Variants in LHX5 observed in about 807,000 individuals in gnomAD.
The protein encoded by LHX5 is LIM homeobox 5.
In LHX5, 5 loss-of-function variants were observed where a neutral mutation model predicts 30.6. The observed-to-expected ratio is 0.16, with a 90% CI of 0.09 to 0.34. The LOEUF is 0.34. Ranked by LOEUF, LHX5 falls within the 10% of genes least tolerant of loss-of-function variation. The pLI is 1.00. For missense variants in LHX5, 458 were observed against 570.6 expected, an observed-to-expected ratio of 0.80 and a Z score of 2.01; for synonymous variants, 266 against 252.6, an observed-to-expected ratio of 1.05 and a Z score of -0.50.
intron 1 of LHX5, among the ~76,000 whole-genome samples, chr12:113,469,733 G>T (rs1028075807): frequency 6.6e-6 from 1 of 152,238 alleles, no homozygotes; most frequent in African/African-American, 2.4e-5. Context: ...AGGCGGGGAG[G>T]GTTTGGGCCA....
At position 113,462,855 on chromosome 12, in the gene LHX5, G is replaced by C. The variant is rs1958182978; in HGVS notation, c.*335C>G. ...TCAGTCCAAAGAGGTGGCGGTGGCT[G>C]GGTGGGTGGGTGGGGGCCCGGGGAA... On this transcript the variant is annotated 3_prime_UTR_variant, in exon 5 of 5. Transcript: ENST00000261731. The C allele has an allele frequency of 4.8e-6, 1 of 207,492 alleles. No homozygotes were observed. The highest frequency in any genetic ancestry group is 1.3e-4 in the East Asian group (1 of 7,812). 12.9% of individuals were successfully genotyped at this position (207,492 alleles called of 1,614,324 possible).
Position 113,464,823 on chromosome 12 carries a change from T to C in LHX5, c.842-1266A>G, listed in dbSNP as rs1014609007. 3.9e-5 allele frequency among the ~76,000 whole-genome samples: 6 copies of C among 152,262 alleles called. No homozygotes were observed. The highest frequency in any genetic ancestry group is 2.0e-4 in the Admixed American group (3 of 15,300). ...ATTCAGGAGGTGTAGGGACTCCGGA[T>C]TGCAAACCCATTCTGCCTCAACAAA... On this transcript the variant is annotated intron_variant, in intron 4 of 4. Coordinates refer to ENST00000261731, the MANE Select transcript of LHX5 (RefSeq NM_022363.3). The surrounding 1 kb of genome is among the most constrained non-coding windows in gnomAD (Gnocchi z 6.2).
At position 113,466,653 on chromosome 12, in the gene LHX5, C is replaced by A. The variant is rs1958216916; in HGVS notation, c.841+603G>T. 6.6e-6 allele frequency among the ~76,000 whole-genome samples: 1 copy of A among 152,206 alleles called. No individual in the cohort carries two copies. Among genetic ancestry groups the A allele is most frequent in the South Asian group, 2.1e-4 (1 of 4,832 alleles). On this transcript the variant is annotated intron_variant, in intron 4 of 4. Transcript: ENST00000261731. This position sits in a 1 kb window ranked among gnomAD's most constrained non-coding sequence, Gnocchi z 6.5. Reference sequence around the variant, plus strand: ...CACTGCCAGATGCTGTGCGCACACACCCCGCCACATGGAACAGGAGTTGCT... The same window carrying A: ...CACTGCCAGATGCTGTGCGCACACAACCCGCCACATGGAACAGGAGTTGCT...
Position 113,465,672 on chromosome 12 carries a change from T to C in LHX5, c.841+1584A>G, listed in dbSNP as rs1203641399. On this transcript the variant is annotated intron_variant, in intron 4 of 4. Transcript: ENST00000261731. The surrounding 1 kb of genome is among the most constrained non-coding windows in gnomAD (Gnocchi z 6.7). ...GGGATAGGTCGGGGCGGGGGCGAAG[T>C]GGTCCTCGGGGAAACCTTGGTTAAT... 6.6e-6 allele frequency among the ~76,000 whole-genome samples: 1 copy of C among 152,188 alleles called. No homozygotes were observed. The highest frequency in any genetic ancestry group is 1.5e-5 in the Non-Finnish European group (1 of 68,004).
In LHX5 at chr12:113,465,392, T is replaced by A. The variant is rs1958207185; in HGVS notation, c.842-1835A>T. 6.6e-6 allele frequency among the ~76,000 whole-genome samples: 1 copy of A among 152,094 alleles called. No homozygotes were observed. The highest frequency in any genetic ancestry group is 2.1e-4 in the South Asian group (1 of 4,828). ...CATATGGCGGCCGGGCCGGAGGTAA[T>A]TGGAACAAACGCCGTCTGAAAAGGG... On this transcript the variant is annotated intron_variant, in intron 4 of 4. Transcript: ENST00000261731. This position sits in a 1 kb window ranked among gnomAD's most constrained non-coding sequence, Gnocchi z 6.7.
rs973682351 is a variant in LHX5 at position 113,464,754 on chromosome 12, G to A, written c.842-1197C>T. Among the ~76,000 whole-genome samples, 1 of 152,152 alleles carries A rather than the reference G, an allele frequency of 6.6e-6. No individual in the cohort carries two copies. Among genetic ancestry groups the A allele is most frequent in the Non-Finnish European group, 1.5e-5 (1 of 68,026 alleles). Reference sequence around the variant, plus strand: ...TTTGAGAAGCTGGTGATAGCTATGGGCTCTCTCTCAAGGAAAATGCAAGGA... The same window carrying A: ...TTTGAGAAGCTGGTGATAGCTATGGACTCTCTCTCAAGGAAAATGCAAGGA... On this transcript the variant is annotated intron_variant, in intron 4 of 4. Transcript: ENST00000261731. This position sits in a 1 kb window ranked among gnomAD's most constrained non-coding sequence, Gnocchi z 6.2.
chr12:113,471,521 G>A lies in LHX5; in HGVS notation c.-23C>T, dbSNP rs1339007742. 2.6e-6 allele frequency: 4 copies of A among 1,560,736 alleles called. No homozygotes were observed. The highest frequency in any genetic ancestry group is 3.5e-6 in the Non-Finnish European group (4 of 1,153,186). ...CATAGCCCCGCGCCCCGGCGGCTTC[G>A]GCCGCCTTGCCCTCCCTTTGGGCCC... On this transcript the variant is annotated 5_prime_UTR_variant, in exon 1 of 5. Coordinates refer to ENST00000261731, the MANE Select transcript of LHX5 (RefSeq NM_022363.3).
rs187090411 is a variant in LHX5, at chr12:113,469,993, G to C, written c.174-648C>G. 2.4e-3 allele frequency among the ~76,000 whole-genome samples: 366 copies of C among 152,358 alleles called. 3 individuals are homozygous for C. Among genetic ancestry groups the C allele is most frequent in the Middle Eastern group, 0.01 (3 of 294 alleles). The stretch of plus-strand genomic sequence containing the variant: ...GGGCCTCATAGTGATGGACCCTAGA[G>C]AGCAGGGATGAGTTTCAGCCCCCCT... On this transcript the variant is annotated intron_variant, in intron 1 of 4. Coordinates refer to ENST00000261731, the MANE Select transcript of LHX5 (RefSeq NM_022363.3).
In LHX5 at chr12:113,464,469, C is replaced by T. The variant is rs553331185; in HGVS notation, c.842-912G>A. Among the ~76,000 whole-genome samples, 32 of 152,350 alleles carry T rather than the reference C, an allele frequency of 2.1e-4. No individual in the cohort carries two copies. Among genetic ancestry groups the T allele is most frequent in the African/African-American group, 7.7e-4 (32 of 41,576 alleles). On this transcript the variant is annotated intron_variant, in intron 4 of 4. Transcript: ENST00000261731. This position sits in a 1 kb window ranked among gnomAD's most constrained non-coding sequence, Gnocchi z 6.2. ...AACTCGGTCCCTGCGCCCTACCAACCCAGTCCAAGTCCTTCGCCTCGCCAA... is the reference window on the plus strand; with the variant it reads ...AACTCGGTCCCTGCGCCCTACCAACTCAGTCCAAGTCCTTCGCCTCGCCAA...
Position 113,463,326 on chromosome 12 carries a change from G to T in LHX5, c.1073C>A (p.Pro358Gln), listed in dbSNP as rs1410191288. The change falls in exon 5 of 5, where the codon CCG becomes CAG. Residue 358 changes from proline to glutamine, a missense_variant. By Grantham distance (76) the Pro-to-Gln change is moderately conservative. Coordinates refer to ENST00000261731, the MANE Select transcript of LHX5 (RefSeq NM_022363.3). The surrounding 1 kb of genome is among the most constrained non-coding windows in gnomAD (Gnocchi z 6.7). ...PDTPSPEPGL[P>Q]GTLHPMPGEV... ...GCCGGGCATGGGGTGCAGCGTGCCC[G>T]GCAGGCCTGGCTCGGGGCTCGGTGT... is the stretch of plus-strand genomic sequence containing the variant. 1.9e-6 allele frequency: 3 copies of T among 1,538,722 alleles called. No individual in the cohort carries two copies. The highest frequency in any genetic ancestry group is 5.1e-5 in the East Asian group (2 of 39,434).
At position 113,465,845 on chromosome 12, in the gene LHX5, A is replaced by AGGGTTGGGGGTCTGTCCG. The variant is rs1471394888; in HGVS notation, c.841+1393_841+1410dup. 4.2e-5 allele frequency among the ~76,000 whole-genome samples: 6 copies of AGGGTTGGGGGTCTGTCCG among 142,016 alleles called. No individual in the cohort carries two copies. The highest frequency in any genetic ancestry group is 1.4e-4 in the Admixed American group (2 of 14,516). 93.2% of individuals were successfully genotyped at this position (142,016 alleles called of 152,430 possible). On this transcript the variant is annotated intron_variant, in intron 4 of 4. Transcript: ENST00000261731. This position sits in a 1 kb window ranked among gnomAD's most constrained non-coding sequence, Gnocchi z 6.7. Reference sequence around the variant, plus strand: ...GACACGCCCACCATCCGGGCTCTCCAGGGTTGGGGGTCTGTCCGGGGTTGG... The same window carrying AGGGTTGGGGGTCTGTCCG: ...GACACGCCCACCATCCGGGCTCTCCAGGGTTGGGGGTCTGTCCGGGGTTGGGGGTCTGTCCGGGGTTGG...
At position 113,463,594 on chromosome 12, in the gene LHX5, G is replaced by GAGAGA; in HGVS notation, c.842-42_842-38dup. 6.8e-7 allele frequency: 1 copy of GAGAGA among 1,479,082 alleles called. No homozygotes were observed. Among genetic ancestry groups the GAGAGA allele is most frequent in the East Asian group, 2.6e-5 (1 of 38,608 alleles). The allele number at this position is 1,479,082 out of a possible 1,614,324, so 91.6% of individuals were successfully genotyped here. On this transcript the variant is annotated intron_variant, in intron 4 of 4. Transcript: ENST00000261731. This position sits in a 1 kb window ranked among gnomAD's most constrained non-coding sequence, Gnocchi z 6.7. ...GAGCGGGAAGGAGACAGGGCGCGGT[G>GAGAGA]AGAGAAGGCGAAGTAGGCGGGGGAC... is the stretch of plus-strand genomic sequence containing the variant.
chr12:113,462,183 AC>A lies in LHX5; in HGVS notation c.*1006del, dbSNP rs1958177477. ...CCTCTTAAAAATATAAAAATGTCCA[AC>A]CCCGGATAACTAGAGTACAATAAAT... On this transcript the variant is annotated 3_prime_UTR_variant, in exon 5 of 5. Transcript: ENST00000261731. The A allele has an allele frequency of 6.6e-6, 1 of 152,130 alleles. No individual in the cohort carries two copies. The highest frequency in any genetic ancestry group is 2.1e-4 in the South Asian group (1 of 4,818). The allele number at this position is 152,130 out of a possible 1,614,324, so 9.4% of individuals were successfully genotyped here.
rs1958214423 is a variant in LHX5, at chr12:113,466,188, G to C, written c.841+1068C>G. 6.6e-6 allele frequency among the ~76,000 whole-genome samples: 1 copy of C among 152,202 alleles called. No homozygotes were observed. The highest frequency in any genetic ancestry group is 1.5e-5 in the Non-Finnish European group (1 of 68,036). ...ACCTGCGTTACAACTCAGAAGTGCA[G>C]ATGCCTCTCAGACATAGACAGTCCT... On this transcript the variant is annotated intron_variant, in intron 4 of 4. Coordinates refer to ENST00000261731, the MANE Select transcript of LHX5 (RefSeq NM_022363.3). The surrounding 1 kb of genome is among the most constrained non-coding windows in gnomAD (Gnocchi z 6.5).
rs1032900012 is a variant in LHX5 at position 113,467,215 on chromosome 12, T to C, written c.841+41A>G. On this transcript the variant is annotated intron_variant, in intron 4 of 4. Coordinates refer to ENST00000261731, the MANE Select transcript of LHX5 (RefSeq NM_022363.3). The surrounding 1 kb of genome is among the most constrained non-coding windows in gnomAD (Gnocchi z 6.3). ...GACCCTTCGCCCTCAGCTCCCGGAA[T>C]AGGACAGGTGCGGAACAGCGAATCC... 1 of 1,391,254 alleles carries C rather than the reference T, an allele frequency of 7.2e-7. No individual in the cohort carries two copies. 86.2% of individuals were successfully genotyped at this position (1,391,254 alleles called of 1,614,324 possible).
intron 1 of LHX5, among the ~76,000 whole-genome samples, chr12:113,469,910 G>A (rs1958237836): frequency 6.6e-6 from 1 of 152,242 alleles, no homozygotes; most frequent in Admixed American, 6.5e-5. Context: ...CCAATGGAGA[G>A]GCTTTCCAAT....
rs1164677449 is a variant in LHX5 at position 113,465,128 on chromosome 12, A to C, written c.842-1571T>G. On this transcript the variant is annotated intron_variant, in intron 4 of 4. Coordinates refer to ENST00000261731, the MANE Select transcript of LHX5 (RefSeq NM_022363.3). This position sits in a 1 kb window ranked among gnomAD's most constrained non-coding sequence, Gnocchi z 6.7. ...CCCTCTTCCCTCTCCAAACCCTGAA[A>C]TCTGTCCAAATGGGGGGTGTCTGGA... Among the ~76,000 whole-genome samples, 1 of 152,130 alleles carries C rather than the reference A, an allele frequency of 6.6e-6. No individual in the cohort carries two copies. Among genetic ancestry groups the C allele is most frequent in the Non-Finnish European group, 1.5e-5 (1 of 68,000 alleles).
At position 113,463,823 on chromosome 12, in the gene LHX5, G is replaced by C. The variant is rs1309679298; in HGVS notation, c.842-266C>G. Among the ~76,000 whole-genome samples, 1 of 152,148 alleles carries C rather than the reference G, an allele frequency of 6.6e-6. No homozygotes were observed. The highest frequency in any genetic ancestry group is 1.5e-5 in the Non-Finnish European group (1 of 68,034). On this transcript the variant is annotated intron_variant, in intron 4 of 4. Transcript: ENST00000261731. This position sits in a 1 kb window ranked among gnomAD's most constrained non-coding sequence, Gnocchi z 6.7. ...AGAGACCACACACAGAGACGGGAGA[G>C]ACTCCGAGACCGTGGGGGACACACG...
At position 113,469,334 on chromosome 12, in the gene LHX5, G is replaced by T; in HGVS notation, c.185C>A (p.Thr62Lys). The change falls in exon 2 of 5, where the codon ACG becomes AAG. Residue 62 changes from threonine to lysine, a missense_variant. Around this residue, in one of 3 missense-constraint regions of LHX5, gnomAD observed 178 missense variants for 238.5 expected, o/e 0.75. Transcript: ENST00000261731. Reference protein sequence around the residue: ...CKNDFFRRFGTKCAGCAQGIS... With the variant: ...CKNDFFRRFGKKCAGCAQGIS... Reference sequence around the variant, plus strand: ...GCCTTGCGCGCAGCCGGCGCATTTCGTGCCAAAGCGCCTGTGGACACAATG... The same window carrying T: ...GCCTTGCGCGCAGCCGGCGCATTTCTTGCCAAAGCGCCTGTGGACACAATG... 6.2e-7 allele frequency: 1 copy of T among 1,612,644 alleles called. No individual in the cohort carries two copies. Among genetic ancestry groups the T allele is most frequent in the Non-Finnish European group, 8.5e-7 (1 of 1,179,880 alleles).
Sources: allele counts gnomAD v4.1 joint callset (sites outside exome capture counted in the v4.1 genomes callset), GRCh38; gene constraint gnomAD v4.1.1; regional missense constraint gnomAD v4.1.1; non-coding constraint Gnocchi (gnomAD v3.1); transcripts MANE v1.5; gene names NCBI Gene and HGNC (gene_info 2026-07-23, HGNC 2026-07-21).